The following TMEM135 variants were observed in gnomAD, a reference collection of about 807,000 sequenced individuals.
The protein encoded by TMEM135 is peroxisomal membrane protein 52.
A neutral mutation model predicts 60.3 loss-of-function variants in TMEM135; 30 were observed. The observed-to-expected ratio is 0.50, with a 90% CI of 0.37 to 0.68. TMEM135 has a LOEUF of 0.68. Among genes scored for constraint, TMEM135 ranks in the 30% least tolerant of loss-of-function variants. The pLI, the probability that TMEM135 is intolerant of heterozygous loss-of-function variation, is 0.00. For synonymous variants in TMEM135, 190 were observed against 186.7 expected (o/e 1.02, Z -0.14); for missense variants, 468 against 548.8 (o/e 0.85, Z 1.47).
At chr11:87,107,826 G>C (rs1489795388) in intron 4 of TMEM135, among the ~76,000 whole-genome samples, 2 of 152,108 alleles carry the variant, frequency 1.3e-5, no homozygotes, top group African/African-American at 2.4e-5. Context: ...AGATCCTTGA[G>C]GAATCACCAC....
chr11:87,078,059 G>A (rs1341727692), intron 3 of TMEM135, among the ~76,000 whole-genome samples: 2 of 152,180 alleles, frequency 1.3e-5, no homozygotes, highest in East Asian at 1.9e-4. Context: ...ACACATTTTT[G>A]TGTGGACATA....
intron 6 of TMEM135, among the ~76,000 whole-genome samples, chr11:87,242,880 G>A (rs368745325): frequency 1.4e-5 from 2 of 141,074 alleles, no homozygotes; most frequent in Admixed American, 1.4e-4. Flanking sequence ...GTCAATTTTG[G>A]CTTTTGTTGC....
At chr11:87,263,203 A>G (rs1267050628) in intron 6 of TMEM135, among the ~76,000 whole-genome samples, 1 of 152,214 alleles carries the variant, frequency 6.6e-6, no homozygotes, top group Non-Finnish European at 1.5e-5. Flanking sequence ...CAATGTGCAT[A>G]TTAGAATATT....
intron 3 of TMEM135, among the ~76,000 whole-genome samples, chr11:87,072,855 A>G (rs1318224915): frequency 6.6e-6 from 1 of 152,200 alleles, no homozygotes; most frequent in Non-Finnish European, 1.5e-5. Flanking sequence ...TTGCCATCTC[A>G]TGAATAATTG....
intron 4 of TMEM135, among the ~76,000 whole-genome samples, chr11:87,100,310 A>G (rs1287761975): frequency 6.6e-6 from 1 of 152,212 alleles, no homozygotes; most frequent in African/African-American, 2.4e-5. Flanking sequence ...GATACACTTC[A>G]TCTTCCTTTT....
Position 87,226,627 on chromosome 11 carries a change from A to G in TMEM135, c.463-10011A>G, listed in dbSNP as rs184280633. Among the ~76,000 whole-genome samples the G allele has an allele frequency of 7.9e-5, 12 of 152,318 alleles. No homozygotes were observed. In the East Asian group the frequency reaches 2.3e-3, roughly 29 times the overall value. On this transcript the variant is annotated intron_variant, in intron 5 of 14. Coordinates refer to ENST00000305494, the MANE Select transcript of TMEM135 (RefSeq NM_022918.4). Reference sequence around the variant, plus strand: ...CAACTACAAATAATGTACTTACTATAAAAGGACAGGATAGCATATAGGCTG... The same window carrying G: ...CAACTACAAATAATGTACTTACTATGAAAGGACAGGATAGCATATAGGCTG...
At chr11:87,229,790 C>G (rs150992369) in intron 5 of TMEM135, among the ~76,000 whole-genome samples, 1 of 152,154 alleles carries the variant, frequency 6.6e-6, no homozygotes, top group East Asian at 1.9e-4. Flanking sequence ...TATCTATGTA[C>G]AAAGGTATGT....
chr11:87,141,611 A>C (rs994049891), intron 4 of TMEM135, among the ~76,000 whole-genome samples: 1 of 152,094 alleles, frequency 6.6e-6, no homozygotes, highest in Non-Finnish European at 1.5e-5. Context: ...CATCCGGAAA[A>C]ATAGCAAATA....
intron 1 of TMEM135, among the ~76,000 whole-genome samples, chr11:87,057,763 C>G (rs1949906880): frequency 6.6e-6 from 1 of 151,540 alleles, no homozygotes; most frequent in Non-Finnish European, 1.5e-5. Flanking sequence ...TCAGATTTAG[C>G]TTATTAGAGT....
rs143968244 is a variant in TMEM135, at chr11:87,104,749, G to T, written c.396+13354G>T. ...AGTATTAGTGTATAAAAATATTACT[G>T]ATTTTTGTATGTTGACACTGTGTCC... On this transcript the variant is annotated intron_variant, in intron 4 of 14. Transcript: ENST00000305494. 3.8e-3 allele frequency among the ~76,000 whole-genome samples: 577 copies of T among 152,036 alleles called. 5 individuals are homozygous for T. The highest frequency in any genetic ancestry group is 0.013 in the African/African-American group (559 of 41,492).
chr11:87,262,481 C>T (rs1009600865), intron 6 of TMEM135, among the ~76,000 whole-genome samples: 1 of 152,130 alleles, frequency 6.6e-6, no homozygotes, highest in Non-Finnish European at 1.5e-5. Context: ...AGGTGGAACA[C>T]CTTTTCATTG....
Position 87,157,406 on chromosome 11 carries a change from A to C in TMEM135, c.462A>C (p.Glu154Asp). 1 of 1,611,926 alleles carries C rather than the reference A, an allele frequency of 6.2e-7. No individual in the cohort carries two copies. The highest frequency in any genetic ancestry group is 2.2e-5 in the East Asian group (1 of 44,766). Residue 154 changes from glutamate (E) to aspartate (D), a missense_variant and splice_region_variant, in exon 5 of 15, where the codon GAA (glutamate) becomes GAC (aspartate). Transcript: ENST00000305494. ...CCATCACAACATTAAGAAATGGAGA[A>C]GTAAGATGAGAATTTTGATATAGTT... is the stretch of plus-strand genomic sequence containing the variant. ...RGTITTLRNG[E>D]VLLFCITAAM...
intron 6 of TMEM135, among the ~76,000 whole-genome samples, chr11:87,237,992 A>T (rs902483857): frequency 2.0e-5 from 3 of 151,920 alleles, no homozygotes; most frequent in Non-Finnish European, 4.4e-5. Context: ...AAATGACAGG[A>T]TCTCATTCTT....
intron 3 of TMEM135, among the ~76,000 whole-genome samples, chr11:87,085,448 G>A (rs1281041077): frequency 6.6e-6 from 1 of 152,174 alleles, no homozygotes; most frequent in Admixed American, 6.5e-5. Flanking sequence ...ACAAGCAAGT[G>A]AATTACAGAA....
intron 6 of TMEM135, among the ~76,000 whole-genome samples, chr11:87,277,802 G>A (rs572867346): frequency 2.4e-4 from 37 of 152,088 alleles, no homozygotes; most frequent in African/African-American, 7.7e-4. Context: ...GATTACAGGC[G>A]TGAGCCACCA....
chr11:87,132,661 A>G (rs890518376), intron 4 of TMEM135, among the ~76,000 whole-genome samples: 13 of 137,766 alleles, frequency 9.4e-5, no homozygotes, highest in African/African-American at 3.4e-4. Flanking sequence ...GCTAACTACA[A>G]TTATTAGTGT....
intron 5 of TMEM135, among the ~76,000 whole-genome samples, chr11:87,199,790 C>T (rs1591098087): frequency 6.6e-6 from 1 of 151,910 alleles, no homozygotes; most frequent in South Asian, 2.1e-4. Flanking sequence ...ATTAGCCAGG[C>T]GTGGTGGCAC....
At chr11:87,179,590 C>T (rs987866094) in intron 5 of TMEM135, among the ~76,000 whole-genome samples, 18 of 152,020 alleles carry the variant, frequency 1.2e-4, no homozygotes, top group African/African-American at 2.9e-4. Context: ...CTTTTAAATA[C>T]GGTTTGAGGT....
chr11:87,318,322 A>C (rs1160538367), intron 13 of TMEM135, 87 bp downstream of exon 13: 1 of 997,390 alleles, frequency 1.0e-6, no homozygotes, highest in African/African-American at 1.6e-5. Flanking sequence ...AACTCTGGGA[A>C]CATTTCTATT....
Sources: allele counts gnomAD v4.1 joint callset (sites outside exome capture counted in the v4.1 genomes callset), GRCh38; gene constraint gnomAD v4.1.1; transcripts MANE v1.5; gene names NCBI Gene and HGNC (gene_info 2026-07-23, HGNC 2026-07-21).